UNC5B: variants seen among roughly 807,000 people sequenced by gnomAD.
UNC5B encodes the protein netrin receptor UNC5B.
A neutral mutation model predicts 103.7 loss-of-function variants in UNC5B; 56 were observed. The ratio of observed to expected loss-of-function variants is 0.54; its 90% CI spans 0.44 to 0.67. UNC5B has a LOEUF of 0.67. UNC5B is among the 30% of genes least tolerant of loss of function. UNC5B has a pLI of 0.00. For synonymous variants in UNC5B, 577 were observed against 542.0 expected (o/e 1.06, Z -0.90); for missense variants, 1,194 against 1,284.5 (o/e 0.93, Z 1.08).
At chr10:71,287,237 C>T (rs1845112139) in intron 5 of UNC5B, among the ~76,000 whole-genome samples, 2 of 152,290 alleles carry the variant, frequency 1.3e-5, no homozygotes, top group East Asian at 3.9e-4. Flanking sequence ...GGAGTGGAGC[C>T]ACAGCTGAGG....
intron 1 of UNC5B, among the ~76,000 whole-genome samples, chr10:71,220,805 A>G (rs1165700611): frequency 6.6e-6 from 1 of 152,142 alleles, no homozygotes; most frequent in African/African-American, 2.4e-5. Context: ...ACGGGAGTGA[A>G]AGCTGGGAGG....
chr10:71,298,137 A>G lies in UNC5B; in HGVS notation c.2672+47A>G, dbSNP rs774596915. On this transcript the variant is annotated intron_variant, in intron 16 of 16. Coordinates refer to ENST00000335350, the MANE Select transcript of UNC5B (RefSeq NM_170744.5). The stretch of plus-strand genomic sequence containing the variant: ...CCATCCCCATCTGCCTTCGTCCTCA[A>G]GGTCTCACAGGGGCAGGCAGGGCAG... 7 of 1,539,304 alleles carry G rather than the reference A, an allele frequency of 4.5e-6. No homozygotes were observed. The Admixed American group carries it at 7.4e-5, about 16-fold the overall frequency.
At position 71,286,724 on chromosome 10, in the gene UNC5B, C is replaced by T. The variant is rs1372486966; in HGVS notation, c.588C>T (p.Pro196=). Residue 196 remains proline, a synonymous_variant, in exon 5 of 17, where the codon CCC becomes CCT. Transcript: ENST00000335350. ...TCAAGAATGAGGATGTCATCGACCC[C>T]ACCCAGGACACCAACTTCCTGCTCA... ...EWLKNEDVID[P]TQDTNFLLTI... 6.2e-7 allele frequency: 1 copy of T among 1,614,220 alleles called. No individual in the cohort carries two copies. Among genetic ancestry groups the T allele is most frequent in the Non-Finnish European group, 8.5e-7 (1 of 1,180,032 alleles).
intron 1 of UNC5B, among the ~76,000 whole-genome samples, chr10:71,259,306 T>C (rs1844361134): frequency 6.6e-6 from 1 of 151,888 alleles, no homozygotes; most frequent in Middle Eastern, 3.4e-3. Flanking sequence ...GGAGAATCAT[T>C]TGAACCCGGG....
intron 1 of UNC5B, among the ~76,000 whole-genome samples, chr10:71,257,899 G>A (rs1217903408): frequency 6.6e-6 from 1 of 152,238 alleles, no homozygotes; most frequent in Non-Finnish European, 1.5e-5. Context: ...GCACCTGCCT[G>A]TGCTAAAGCC....
chr10:71,239,122 C>G (rs1466992068), intron 1 of UNC5B, among the ~76,000 whole-genome samples: 1 of 152,102 alleles, frequency 6.6e-6, no homozygotes, highest in Non-Finnish European at 1.5e-5. Flanking sequence ...ACCTCTGCCC[C>G]CACAGTGCCA....
chr10:71,275,672 C>T (rs1228712938), intron 1 of UNC5B, among the ~76,000 whole-genome samples: 4 of 152,104 alleles, frequency 2.6e-5, no homozygotes, highest in African/African-American at 9.7e-5. Flanking sequence ...TCAGTTTCCT[C>T]ATCTGCACTG....
intron 1 of UNC5B, among the ~76,000 whole-genome samples, chr10:71,255,534 A>G (rs1844270742): frequency 2.0e-5 from 3 of 152,318 alleles, no homozygotes; most frequent in Admixed American, 2.0e-4. Flanking sequence ...AGGGTCCCTA[A>G]CTTAGAAACA....
chr10:71,236,446 C>A (rs1331351620), intron 1 of UNC5B, among the ~76,000 whole-genome samples: 1 of 152,150 alleles, frequency 6.6e-6, no homozygotes, highest in Non-Finnish European at 1.5e-5. Context: ...GGCTGAGGAT[C>A]GGGTGGTGTG....
At position 71,224,733 on chromosome 10, in the gene UNC5B, G is replaced by A. The variant is rs148365856; in HGVS notation, c.79+11669G>A. ...GAAATGGGCATGGTCAGTGAAGGTC[G>A]GTTTTCTTTCCTTTCCACCCAGAAG... On this transcript the variant is annotated intron_variant, in intron 1 of 16. Transcript: ENST00000335350. 5.9e-3 allele frequency among the ~76,000 whole-genome samples: 900 copies of A among 152,268 alleles called. 10 individuals carry two copies. Among genetic ancestry groups the A allele is most frequent in the African/African-American group, 0.02 (828 of 41,556 alleles).
At chr10:71,271,316 TG>T (rs2132291082) in intron 1 of UNC5B, among the ~76,000 whole-genome samples, 1 of 152,368 alleles carries the variant, frequency 6.6e-6, no homozygotes, top group African/African-American at 2.4e-5. Context: ...GCTGTCTCGT[TG>T]GAACACACAG....
chr10:71,242,495 C>T (rs1356966582), intron 1 of UNC5B, among the ~76,000 whole-genome samples: 1 of 152,192 alleles, frequency 6.6e-6, no homozygotes, highest in Non-Finnish European at 1.5e-5. Flanking sequence ...AGGTCTGCCC[C>T]CCTCTCCCTG....
intron 1 of UNC5B, among the ~76,000 whole-genome samples, chr10:71,246,292 A>G (rs1234109653): frequency 6.6e-6 from 1 of 152,128 alleles, no homozygotes; most frequent in Non-Finnish European, 1.5e-5. Flanking sequence ...AGGTCCCAGA[A>G]AGGCGGAGGA....
At chr10:71,234,777 G>A (rs1843743964) in intron 1 of UNC5B, among the ~76,000 whole-genome samples, 1 of 152,226 alleles carries the variant, frequency 6.6e-6, no homozygotes, top group South Asian at 2.1e-4. Flanking sequence ...CCAGGCTGCT[G>A]GGTCTGGGGG....
In UNC5B at chr10:71,285,398, GC is replaced by G; in HGVS notation, c.523del (p.Arg175AlafsTer71). On this transcript the variant is annotated frameshift_variant, in exon 4 of 17. Coordinates refer to ENST00000335350, the MANE Select transcript of UNC5B (RefSeq NM_170744.5). LOFTEE classifies it high-confidence loss of function. The stretch of plus-strand genomic sequence containing the variant: ...CTGGACCATGAGGTTCTCCTGCAGT[GC>G]CGCCCGCCGGAGGGGGTGCCTGTGG... ...VPLDHEVLLQ[C>X]RPPEGVPVAE... 1.2e-6 allele frequency: 2 copies of G among 1,606,866 alleles called. No homozygotes were observed. Among genetic ancestry groups the G allele is most frequent in the Non-Finnish European group, 1.7e-6 (2 of 1,177,620 alleles).
chr10:71,260,685 G>A (rs964254453), intron 1 of UNC5B, among the ~76,000 whole-genome samples: 10 of 152,204 alleles, frequency 6.6e-5, no homozygotes, highest in African/African-American at 1.9e-4. Context: ...AAAGAGCCTC[G>A]GCAGCCAGGA....
At chr10:71,288,512 A>G in intron 6 of UNC5B, 56 bp from the exon 7 acceptor site, 2 of 1,574,216 alleles carry the variant, frequency 1.3e-6, no homozygotes, top group Admixed American at 1.8e-5. Context: ...TGCACACATA[A>G]CTATGTGTGC....
chr10:71,287,813 C>T (rs573710288), intron 6 of UNC5B, 48 bp downstream of exon 6: 3 of 1,582,346 alleles, frequency 1.9e-6, no homozygotes, highest in Admixed American at 1.9e-5. Context: ...CCTGTCCCAC[C>T]TTCTGTTTTG....
At chr10:71,291,925 C>G in intron 10 of UNC5B, 104 bp downstream of exon 10, 2 of 1,417,380 alleles carry the variant, frequency 1.4e-6, no homozygotes, top group Non-Finnish European at 1.9e-6. Context: ...AATCCCATCT[C>G]ACAGATGGGG....
Sources: gnomAD v4.1 joint callset for allele counts (sites outside exome capture counted in the v4.1 genomes callset) on GRCh38, gnomAD v4.1.1 for gene constraint, MANE v1.5 for transcripts, NCBI Gene and HGNC (gene_info 2026-07-23, HGNC 2026-07-21) for gene names.